Variants in USP20 observed in about 807,000 individuals in gnomAD.
The protein encoded by USP20 is ubiquitin specific peptidase 20, also known as ubiquitin carboxyl-terminal hydrolase 20.
Under a neutral mutation model 124.2 loss-of-function variants are expected in USP20, and 80 were observed. The ratio of observed to expected loss-of-function variants is 0.64; its 90% CI spans 0.54 to 0.78. The LOEUF (loss-of-function observed/expected upper bound fraction) is 0.78. USP20 is among the 30% of genes least tolerant of loss of function. The pLI is 0.00. For synonymous variants in USP20, 481 were observed against 512.3 expected (o/e 0.94, Z 0.83); for missense variants, 1,043 against 1,244.4 (o/e 0.84, Z 2.44).
chr9:129,857,211 G>T (rs181590776), intron 4 of USP20, among the ~76,000 whole-genome samples: 1 of 152,200 alleles, frequency 6.6e-6, no homozygotes, highest in Admixed American at 6.5e-5. Context: ...AAGACACTGC[G>T]TATCCAGGGG....
At chr9:129,857,406 T>C (rs1292434257) in intron 4 of USP20, among the ~76,000 whole-genome samples, 1 of 152,166 alleles carries the variant, frequency 6.6e-6, no homozygotes, top group Non-Finnish European at 1.5e-5. Context: ...TGATCACAGG[T>C]GGCAGTGACA....
intron 1 of USP20, among the ~76,000 whole-genome samples, chr9:129,844,999 A>G (rs2032455312): frequency 6.6e-6 from 1 of 152,186 alleles, no homozygotes; most frequent in Admixed American, 6.5e-5. Context: ...CTTGGGCAAC[A>G]CGGCAAAACC....
chr9:129,844,928 A>T (rs2032451757), intron 1 of USP20, among the ~76,000 whole-genome samples: 1 of 152,104 alleles, frequency 6.6e-6, no homozygotes, highest in African/African-American at 2.4e-5. Context: ...CATGTGTGTA[A>T]TCCCAGCACT....
At position 129,878,428 on chromosome 9, in the gene USP20, G is replaced by A; in HGVS notation, c.2500G>A (p.Gly834Arg). The A allele has an allele frequency of 6.2e-7, 1 of 1,608,960 alleles. No homozygotes were observed. Reference sequence around the variant, plus strand: ...CCGGGAGTGGGAGGCGTTCGTCAAGGGGAAGGACAACGGTGAGCTGAGGGG... The same window carrying A: ...CCGGGAGTGGGAGGCGTTCGTCAAGAGGAAGGACAACGGTGAGCTGAGGGG... ...WFREWEAFVK[G>R]KDNEPPGPID... Residue 834 changes from glycine to arginine, a missense_variant, in exon 23 of 26, where the codon GGG becomes AGG. Coordinates refer to ENST00000372429, the MANE Select transcript of USP20 (RefSeq NM_001110303.4).
rs760465970 is a variant in USP20 at position 129,879,655 on chromosome 9, C to G, written c.2584+11C>G. 1.2e-6 allele frequency: 2 copies of G among 1,613,750 alleles called. No homozygotes were observed. Among genetic ancestry groups the G allele is most frequent in the African/African-American group, 2.7e-5 (2 of 74,912 alleles). The stretch of plus-strand genomic sequence containing the variant: ...TCCAGCTGAAGCAGGGTGAGTTCCC[C>G]CTGGGGTCAGCCAGGCTCCTCTCTG... On this transcript the variant is annotated intron_variant, in intron 24 of 25. Transcript: ENST00000372429. The surrounding 1 kb of genome is among the most constrained non-coding windows in gnomAD (Gnocchi z 4.2).
At chr9:129,859,474 A>C (rs1003997284) in intron 6 of USP20, among the ~76,000 whole-genome samples, 4 of 150,974 alleles carry the variant, frequency 2.6e-5, no homozygotes, top group African/African-American at 9.7e-5. Context: ...GGGTTTTGCC[A>C]TGTTGACTAG....
At chr9:129,863,838 T>C (rs2033684056) in intron 9 of USP20, among the ~76,000 whole-genome samples, 1 of 152,216 alleles carries the variant, frequency 6.6e-6, no homozygotes, top group South Asian at 2.1e-4. Flanking sequence ...CCAGGCGCAG[T>C]GGCTCACGCC....
chr9:129,871,395 G>C (rs1363554740), intron 15 of USP20, among the ~76,000 whole-genome samples: 1 of 152,198 alleles, frequency 6.6e-6, no homozygotes, highest in African/African-American at 2.4e-5. Flanking sequence ...TTGTGTGGAT[G>C]GCTGGGGCCT....
intron 1 of USP20, among the ~76,000 whole-genome samples, chr9:129,841,770 T>C (rs2131031496): frequency 6.6e-6 from 1 of 152,290 alleles, no homozygotes; most frequent in Non-Finnish European, 1.5e-5. Flanking sequence ...TTTTCTTTGA[T>C]GTCAAAAGCA....
intron 15 of USP20, 87 bp downstream of exon 15, chr9:129,870,634 A>T: frequency 2.8e-6 from 4 of 1,448,230 alleles, no homozygotes; most frequent in Non-Finnish European, 3.8e-6. Context: ...CATGCAGCCC[A>T]GGGCTTGTGG....
chr9:129,846,248 T>TATATATATATGTA (rs1491285186), intron 1 of USP20, among the ~76,000 whole-genome samples: 2 of 40,608 alleles, frequency 4.9e-5, no homozygotes, highest in African/African-American at 1.2e-4. Flanking sequence ...TATATATATA[T>TATATATATATGTA]TTTTTTTTTT....
chr9:129,860,287 ACC>A (rs1290390979), intron 6 of USP20, among the ~76,000 whole-genome samples: 1 of 147,236 alleles, frequency 6.8e-6, no homozygotes, highest in Non-Finnish European at 1.5e-5. Context: ...CCAAGATTGC[ACC>A]ATTGCACTCC....
intron 1 of USP20, among the ~76,000 whole-genome samples, chr9:129,840,127 C>T (rs955491600): frequency 2.6e-5 from 4 of 151,972 alleles, no homozygotes; most frequent in African/African-American, 9.6e-5. Flanking sequence ...ACTTGTTGTA[C>T]AGTAGGTCCT....
At chr9:129,843,476 C>A (rs1313451287) in intron 1 of USP20, among the ~76,000 whole-genome samples, 2 of 151,996 alleles carry the variant, frequency 1.3e-5, no homozygotes, top group Non-Finnish European at 2.9e-5. Context: ...TGACTCACGC[C>A]TGTAATCCCA....
At chr9:129,856,492 G>T in intron 4 of USP20, 132 bp downstream of exon 4, 2 of 1,088,174 alleles carry the variant, frequency 1.8e-6, no homozygotes, top group Non-Finnish European at 1.4e-6. Flanking sequence ...AGAAACCTTG[G>T]GCTGGGGCAC....
Position 129,874,573 on chromosome 9 carries a change from C to T in USP20, c.1741-3C>T. 1.9e-6 allele frequency: 3 copies of T among 1,613,386 alleles called. No individual in the cohort carries two copies. The highest frequency in any genetic ancestry group is 2.5e-6 in the Non-Finnish European group (3 of 1,179,826). On this transcript the variant is annotated splice_region_variant and splice_polypyrimidine_tract_variant and intron_variant, in intron 17 of 25. Transcript: ENST00000372429. Reference sequence around the variant, plus strand: ...ATGACCGGCGCTCTCTCTGTCCCCGCAGATCCTGTGCATTCACCTAAAGCG... The same window carrying T: ...ATGACCGGCGCTCTCTCTGTCCCCGTAGATCCTGTGCATTCACCTAAAGCG...
chr9:129,880,034 G>T, intron 24 of USP20, 79 bp from the exon 25 acceptor site: 1 of 1,545,658 alleles, frequency 6.5e-7, no homozygotes, highest in Non-Finnish European at 8.8e-7. Context: ...GCCTGGCCCT[G>T]CGGAGCCCCC....
Position 129,879,073 on chromosome 9 carries a change from GTGAGGCCTCTCTGGTGGTGGC to G in USP20, c.2513-491_2513-471del, listed in dbSNP as rs542220946. ...AGTCGGGGAAGGTGCCAGGGCCACC[GTGAGGCCTCTCTGGTGGTGGC>G]TGAGGCCTTCAGCATGGCTGTGGTT... is the stretch of plus-strand genomic sequence containing the variant. On this transcript the variant is annotated intron_variant, in intron 23 of 25. Coordinates refer to ENST00000372429, the MANE Select transcript of USP20 (RefSeq NM_001110303.4). The surrounding 1 kb of genome is among the most constrained non-coding windows in gnomAD (Gnocchi z 4.2). Among the ~76,000 whole-genome samples the G allele has an allele frequency of 2.9e-3, 436 of 152,338 alleles. No homozygotes were observed. The highest frequency in any genetic ancestry group is 4.3e-3 in the Non-Finnish European group (290 of 68,034).
chr9:129,872,018 G>T (rs1019033509), intron 15 of USP20, among the ~76,000 whole-genome samples: 1 of 152,080 alleles, frequency 6.6e-6, no homozygotes, highest in Non-Finnish European at 1.5e-5. Flanking sequence ...ACCCAGCCTC[G>T]TTGTGGTTTT....
Sources: allele counts gnomAD v4.1 joint callset (sites outside exome capture counted in the v4.1 genomes callset), GRCh38; gene constraint gnomAD v4.1.1; non-coding constraint Gnocchi (gnomAD v3.1); transcripts MANE v1.5; gene names NCBI Gene and HGNC (gene_info 2026-07-23, HGNC 2026-07-21).